Variants in PLCB1 observed in about 807,000 individuals in gnomAD.
PLCB1 encodes phospholipase C beta 1, also known as 1-phosphatidylinositol 4,5-bisphosphate phosphodiesterase beta-1.
PLCB1 carries 46 observed loss-of-function variants against 161.8 expected under a neutral mutation model. The observed-to-expected ratio is 0.28, with a 90% confidence interval of 0.22 to 0.36. The LOEUF is 0.36. Among genes scored for constraint, PLCB1 ranks in the 10% least tolerant of loss-of-function variants. The probability of loss-of-function intolerance (pLI) is 1.00; values close to 1 mark genes in which losing one functional copy is unlikely to be tolerated. For missense variants in PLCB1, 1,016 were observed against 1,472.5 expected, an observed-to-expected ratio of 0.69 and a Z score of 5.07; for synonymous variants, 517 against 503.7, an observed-to-expected ratio of 1.03 and a Z score of -0.35.
At chr20:8,425,104 GC>G (rs1312306342) in intron 3 of PLCB1, among the ~76,000 whole-genome samples, 1 of 149,032 alleles carries the variant, frequency 6.7e-6, no homozygotes, top group Non-Finnish European at 1.5e-5. Flanking sequence ...GTTGCTTTTT[GC>G]AACCAATGAC....
chr20:8,195,485 T>A (rs956291295), intron 2 of PLCB1, among the ~76,000 whole-genome samples: 16 of 152,168 alleles, frequency 1.1e-4, no homozygotes, highest in African/African-American at 3.9e-4. Context: ...AAAATGGCCC[T>A]CATGTAGTGT....
At chr20:8,727,460 G>A in intron 17 of PLCB1, 67 bp downstream of exon 17, 1 of 902,874 alleles carries the variant, frequency 1.1e-6, no homozygotes, top group East Asian at 2.4e-5. Flanking sequence ...TTGTTCATTT[G>A]GTTTTTTAAT....
chr20:8,291,065 A>G (rs1983361141), intron 2 of PLCB1, among the ~76,000 whole-genome samples: 1 of 151,986 alleles, frequency 6.6e-6, no homozygotes, highest in African/African-American at 2.4e-5. Context: ...AGAAATGAGA[A>G]AAGAAATGCC....
chr20:8,682,911 A>G (rs915834842), intron 9 of PLCB1, among the ~76,000 whole-genome samples: 1 of 152,174 alleles, frequency 6.6e-6, no homozygotes, highest in Admixed American at 6.5e-5. Context: ...ATAATTAAGT[A>G]TTTATACAAA....
At chr20:8,618,501 A>G (rs1348085380) in intron 3 of PLCB1, among the ~76,000 whole-genome samples, 1 of 152,032 alleles carries the variant, frequency 6.6e-6, no homozygotes, top group Admixed American at 6.5e-5. Flanking sequence ...CATTTTCCAC[A>G]AAAAGGAAAA....
intron 10 of PLCB1, among the ~76,000 whole-genome samples, chr20:8,685,926 A>T (rs957322448): frequency 2.6e-5 from 4 of 152,160 alleles, no homozygotes; most frequent in Admixed American, 6.5e-5. Context: ...CAGTCTGGTG[A>T]AGTGTATGCA....
intron 3 of PLCB1, among the ~76,000 whole-genome samples, chr20:8,550,771 T>C (rs1320227141): frequency 1.3e-5 from 2 of 152,212 alleles, no homozygotes; most frequent in African/African-American, 4.8e-5. Context: ...AAATTCACCA[T>C]GTATAATGAA....
intron 3 of PLCB1, among the ~76,000 whole-genome samples, chr20:8,547,230 C>T (rs1433327430): frequency 2.0e-5 from 3 of 152,200 alleles, no homozygotes; most frequent in African/African-American, 7.2e-5. Flanking sequence ...CATCTTACGG[C>T]TCGCTCTAAT....
chr20:8,667,624 A>G (rs1989845387), intron 9 of PLCB1, among the ~76,000 whole-genome samples: 1 of 152,230 alleles, frequency 6.6e-6, no homozygotes, highest in African/African-American at 2.4e-5. Context: ...CTGGCCAGAA[A>G]GTCACAGCCC....
At chr20:8,467,313 T>G (rs1600090213) in intron 3 of PLCB1, among the ~76,000 whole-genome samples, 1 of 152,308 alleles carries the variant, frequency 6.6e-6, no homozygotes. Context: ...ATTTATGATT[T>G]TTTTAGCCAG....
At chr20:8,696,900 A>AT (rs1410285900) in intron 10 of PLCB1, among the ~76,000 whole-genome samples, 6 of 151,832 alleles carry the variant, frequency 4.0e-5, no homozygotes, top group Non-Finnish European at 7.4e-5. Context: ...CACCCGGCTA[A>AT]TTTTTTGTGT....
chr20:8,566,147 G>A (rs6086503), intron 3 of PLCB1, among the ~76,000 whole-genome samples: 1 of 152,076 alleles, frequency 6.6e-6, no homozygotes, highest in African/African-American at 2.4e-5. Context: ...CAAACTATGT[G>A]CAATTTTACA....
intron 3 of PLCB1, among the ~76,000 whole-genome samples, chr20:8,604,327 A>T (rs1458487555): frequency 1.3e-5 from 2 of 151,926 alleles, no homozygotes; most frequent in Non-Finnish European, 2.9e-5. Flanking sequence ...GTTTTTAAAA[A>T]TATGTAATAT....
At chr20:8,191,680 T>G (rs1469825726) in intron 2 of PLCB1, among the ~76,000 whole-genome samples, 3 of 152,024 alleles carry the variant, frequency 2.0e-5, no homozygotes, top group Non-Finnish European at 2.9e-5. Flanking sequence ...CAGATTAGTA[T>G]GCTCTGTAAA....
At chr20:8,563,626 C>G (rs540947094) in intron 3 of PLCB1, among the ~76,000 whole-genome samples, 5 of 152,252 alleles carry the variant, frequency 3.3e-5, no homozygotes, top group Admixed American at 6.5e-5. Flanking sequence ...TCTTCTTAAG[C>G]TGATAAGCAA....
chr20:8,186,290 T>C (rs6039080), intron 2 of PLCB1, among the ~76,000 whole-genome samples: 58,053 of 152,052 alleles, frequency 0.38, 12,665 homozygotes, highest in African/African-American at 0.61. Context: ...TTTCTCTATG[T>C]GATTATTTAT....
intron 2 of PLCB1, among the ~76,000 whole-genome samples, chr20:8,232,687 T>G (rs1980117998): frequency 6.6e-6 from 1 of 152,174 alleles, no homozygotes; most frequent in Non-Finnish European, 1.5e-5. Flanking sequence ...TGCTTCTTGC[T>G]GGGCACCATT....
intron 3 of PLCB1, among the ~76,000 whole-genome samples, chr20:8,602,669 A>G (rs1987627968): frequency 6.6e-6 from 1 of 152,152 alleles, no homozygotes; most frequent in Non-Finnish European, 1.5e-5. Flanking sequence ...TCTCTTCTTG[A>G]GCTATTGTTC....
At chr20:8,430,302 G>C (rs900030250) in intron 3 of PLCB1, among the ~76,000 whole-genome samples, 2 of 152,140 alleles carry the variant, frequency 1.3e-5, no homozygotes, top group East Asian at 1.9e-4. Flanking sequence ...ACAGGGAGAG[G>C]CCTCAGGTAA....
Sources: allele counts gnomAD v4.1 joint callset (sites outside exome capture counted in the v4.1 genomes callset), GRCh38; gene constraint gnomAD v4.1.1; transcripts MANE v1.5; gene names NCBI Gene and HGNC (gene_info 2026-07-23, HGNC 2026-07-21).